Variants in LAMA2 observed in about 807,000 individuals in gnomAD.
LAMA2 encodes laminin subunit alpha-2.
A neutral mutation model predicts 364.8 loss-of-function variants in LAMA2; 269 were observed. The observed-to-expected ratio is 0.74, with a 90% CI of 0.67 to 0.82. The LOEUF is 0.82. LAMA2 is among the 40% of genes least tolerant of loss of function. LAMA2 has a pLI of 0.00. For synonymous variants in LAMA2, 1,379 were observed against 1,370.6 expected (o/e 1.01, Z -0.14); for missense variants, 3,807 against 3,873.2 (o/e 0.98, Z 0.45).
chr6:129,186,708 G>T (rs1781248692), intron 10 of LAMA2, among the ~76,000 whole-genome samples: 1 of 151,550 alleles, frequency 6.6e-6, no homozygotes, highest in Admixed American at 6.6e-5. Context: ...GTCAGATCCA[G>T]AACATGTTGT....
chr6:129,164,513 G>A (rs1262445508), intron 8 of LAMA2, among the ~76,000 whole-genome samples: 1 of 152,200 alleles, frequency 6.6e-6, no homozygotes, highest in Non-Finnish European at 1.5e-5. Context: ...TTCCTCTGAA[G>A]AGTTTGAATT....
At chr6:129,109,731 A>C (rs2114897460) in intron 4 of LAMA2, among the ~76,000 whole-genome samples, 1 of 152,218 alleles carries the variant, frequency 6.6e-6, no homozygotes, top group African/African-American at 2.4e-5. Context: ...CATTAAGTAA[A>C]CCAACAGGTA....
intron 12 of LAMA2, among the ~76,000 whole-genome samples, chr6:129,243,844 G>A (rs569822851): frequency 8.5e-6 from 1 of 118,078 alleles, no homozygotes; most frequent in East Asian, 2.1e-4. Flanking sequence ...ATGGCTACAA[G>A]AAGAAAAAGA....
chr6:129,248,338 T>C (rs1785922664), intron 12 of LAMA2, among the ~76,000 whole-genome samples: 2 of 152,194 alleles, frequency 1.3e-5, no homozygotes, highest in African/African-American at 4.8e-5. Flanking sequence ...TAAATAGGTA[T>C]GAAAAACACA....
chr6:129,030,950 G>A (rs1037219289), intron 1 of LAMA2, among the ~76,000 whole-genome samples: 1 of 151,958 alleles, frequency 6.6e-6, no homozygotes, highest in East Asian at 1.9e-4. Context: ...AAAAAAAATG[G>A]CAAAAATAAA....
intron 9 of LAMA2, 125 bp downstream of exon 9, chr6:129,165,800 C>A: frequency 1.4e-6 from 1 of 725,196 alleles, no homozygotes; most frequent in Non-Finnish European, 2.5e-6. Flanking sequence ...TTTAATCTAT[C>A]AGTGTATTAG....
intron 9 of LAMA2, among the ~76,000 whole-genome samples, chr6:129,167,674 C>G (rs922856545): frequency 2.0e-5 from 3 of 152,084 alleles, no homozygotes; most frequent in African/African-American, 7.2e-5. Context: ...TGGGTATATA[C>G]CCAGTAATGG....
At chr6:129,328,977 T>C (rs1251768118) in intron 29 of LAMA2, among the ~76,000 whole-genome samples, 1 of 152,182 alleles carries the variant, frequency 6.6e-6, no homozygotes, top group East Asian at 1.9e-4. Flanking sequence ...CCATTTCCCT[T>C]AGAATTGAGG....
intron 2 of LAMA2, among the ~76,000 whole-genome samples, chr6:129,051,975 A>G (rs1021347567): frequency 8.1e-5 from 11 of 135,156 alleles, no homozygotes; most frequent in African/African-American, 2.8e-4. Flanking sequence ...ATGTAAAACC[A>G]TAAGTGTGTG....
chr6:128,940,563 TATATC>T (rs1414570761), intron 1 of LAMA2, among the ~76,000 whole-genome samples: 1 of 152,210 alleles, frequency 6.6e-6, no homozygotes, highest in Non-Finnish European at 1.5e-5. Context: ...GAATAAAGAT[TATATC>T]ATATTTTTGT....
At position 129,464,370 on chromosome 6, in the gene LAMA2, A is replaced by G. The variant is rs773157433; in HGVS notation, c.7073A>G (p.Tyr2358Cys). Residue 2358 changes from tyrosine to cysteine, a missense_variant, in exon 50 of 65, where the codon TAC becomes TGC. Around this residue, in one of 3 missense-constraint regions of LAMA2, gnomAD observed 3,333 missense variants for 3,345.7 expected, o/e 1.00. Transcript: ENST00000421865. Reference sequence around the variant, plus strand: ...TTGGTCAGCCGTCCCATTCGCTGGTACCCCAACATCTCCACTGTCATGTTC... The same window carrying G: ...TTGGTCAGCCGTCCCATTCGCTGGTGCCCCAACATCTCCACTGTCATGTTC... The part of the protein sequence containing the change: ...YALVSRPIRW[Y>C]PNISTVMFKF... The G allele has an allele frequency of 5.6e-6, 9 of 1,611,754 alleles. No individual in the cohort carries two copies. In the African/African-American group the frequency reaches 1.2e-4, roughly 22 times the overall value.
chr6:128,944,943 C>A (rs1316321128), intron 1 of LAMA2, among the ~76,000 whole-genome samples: 2 of 152,088 alleles, frequency 1.3e-5, no homozygotes, highest in African/African-American at 2.4e-5. Flanking sequence ...CCCACCAGGC[C>A]CCTCCCCTAA....
rs779669979 is a variant in LAMA2 at position 129,486,584 on chromosome 6, T to C, written c.7860T>C (p.Asp2620=). Residue 2620 remains aspartate, a synonymous_variant, in exon 56 of 65, where the codon GAT becomes GAC. Coordinates refer to ENST00000421865, the MANE Select transcript of LAMA2 (RefSeq NM_000426.4). The part of the protein sequence containing the change: ...VIRPEPNLFH[D]GREHSVHVER... ...GACCAGAGCCGAATCTGTTTCATGA[T>C]GGAAGAGAACATTCCGTTCATGTAG... 2 of 1,613,962 alleles carry C rather than the reference T, an allele frequency of 1.2e-6. No homozygotes were observed. Among genetic ancestry groups the C allele is most frequent in the East Asian group, 4.5e-5 (2 of 44,848 alleles).
At chr6:129,203,351 A>G (rs549391745) in intron 12 of LAMA2, among the ~76,000 whole-genome samples, 119 of 152,338 alleles carry the variant, frequency 7.8e-4, no homozygotes, top group African/African-American at 1.8e-3. Flanking sequence ...GCCTACGTGC[A>G]TATGGGGCAA....
chr6:129,170,942 C>T lies in LAMA2; in HGVS notation c.1306+5267C>T, dbSNP rs577383027. On this transcript the variant is annotated intron_variant, in intron 9 of 64. Coordinates refer to ENST00000421865, the MANE Select transcript of LAMA2 (RefSeq NM_000426.4). Reference sequence around the variant, plus strand: ...ACCATTATGTAATGGCCTTCTTTGTCTCTTTTGATGTTTGTTGGTTTAAAG... The same window carrying T: ...ACCATTATGTAATGGCCTTCTTTGTTTCTTTTGATGTTTGTTGGTTTAAAG... Among the ~76,000 whole-genome samples, 483 of 150,816 alleles carry T rather than the reference C, an allele frequency of 3.2e-3. 2 individuals are homozygous for T. Among genetic ancestry groups the T allele is most frequent in the African/African-American group, 0.012 (473 of 40,916 alleles).
At chr6:128,980,310 A>C (rs1189373969) in intron 1 of LAMA2, among the ~76,000 whole-genome samples, 1 of 152,204 alleles carries the variant, frequency 6.6e-6, no homozygotes, top group East Asian at 1.9e-4. Context: ...TTTGCACTAT[A>C]TACCGCTTGA....
intron 39 of LAMA2, among the ~76,000 whole-genome samples, chr6:129,403,293 T>C (rs1234577078): frequency 6.6e-6 from 1 of 152,204 alleles, no homozygotes; most frequent in Non-Finnish European, 1.5e-5. Context: ...TGCCACTTTA[T>C]AATGAAGGGT....
intron 1 of LAMA2, among the ~76,000 whole-genome samples, chr6:128,960,584 G>A (rs550768897): frequency 2.0e-5 from 3 of 151,926 alleles, no homozygotes; most frequent in East Asian, 1.9e-4. Context: ...GGTCTGGAAC[G>A]CCTGACCTCG....
intron 30 of LAMA2, among the ~76,000 whole-genome samples, chr6:129,347,736 G>A (rs1458191550): frequency 6.6e-6 from 1 of 152,106 alleles, no homozygotes; most frequent in Admixed American, 6.6e-5. Context: ...TTAGGGAGTT[G>A]TGAACAGAAA....
Sources: allele counts gnomAD v4.1 joint callset (sites outside exome capture counted in the v4.1 genomes callset), GRCh38; gene constraint gnomAD v4.1.1; regional missense constraint gnomAD v4.1.1; transcripts MANE v1.5; gene names NCBI Gene and HGNC (gene_info 2026-07-23, HGNC 2026-07-21).